The following SDE2 variants were observed in gnomAD, a reference collection of about 807,000 sequenced individuals.
SDE2 encodes spliceosome associated SDE2, also known as splicing regulator SDE2.
SDE2 carries 31 observed loss-of-function variants against 46.9 expected under a neutral mutation model. That is an observed-to-expected ratio of 0.66 (90% CI 0.50 to 0.89). The LOEUF (loss-of-function observed/expected upper bound fraction) is 0.89. SDE2 is among the 40% of genes least tolerant of loss of function. The probability of loss-of-function intolerance (pLI) is 0.00; values close to 1 mark genes in which losing one functional copy is unlikely to be tolerated. For missense variants in SDE2, 542 were observed against 564.4 expected (o/e 0.96, Z 0.40); for synonymous variants, 205 against 204.3 (o/e 1.00, Z -0.03).
chr1:225,987,324 A>C (rs539119666), intron 6 of SDE2, among the ~76,000 whole-genome samples: 301 of 152,292 alleles, frequency 2.0e-3, no homozygotes, highest in African/African-American at 6.8e-3. Flanking sequence ...AAGTGCTGGG[A>C]TTACAGGCGT....
At position 225,984,862 on chromosome 1, in the gene SDE2, C is replaced by A. The variant is rs142542568; in HGVS notation, c.*440G>T. On this transcript the variant is annotated 3_prime_UTR_variant, in exon 7 of 7. Transcript: ENST00000272091. ...ATCAGTAAAACTGATAAACCCCTAC[C>A]CAACCTGATTAGGAAAGTGAGAACA... 4.8e-4 allele frequency: 77 copies of A among 160,628 alleles called. No homozygotes were observed. The East Asian group carries it at 0.011, about 24-fold the overall frequency. 10.0% of individuals were successfully genotyped at this position (160,628 alleles called of 1,614,324 possible).
At chr1:225,990,068 C>A (rs147758365) in intron 5 of SDE2, among the ~76,000 whole-genome samples, 1 of 149,810 alleles carries the variant, frequency 6.7e-6, no homozygotes, top group African/African-American at 2.5e-5. Context: ...GAGTGAGGAA[C>A]CTGTCTCAAA....
In SDE2 at chr1:225,983,592, G is replaced by C. The variant is rs1656203235; in HGVS notation, c.*1710C>G. On this transcript the variant is annotated 3_prime_UTR_variant, in exon 7 of 7. Coordinates refer to ENST00000272091, the MANE Select transcript of SDE2 (RefSeq NM_152608.4). ...ACATGGTCTCACTATACATTGCCCA[G>C]GCTGGTCTCGAAATGATCCTCCCAC... 1 of 152,056 alleles carries C rather than the reference G, an allele frequency of 6.6e-6. No homozygotes were observed. Among genetic ancestry groups the C allele is most frequent in the Non-Finnish European group, 1.5e-5 (1 of 68,010 alleles). The allele number at this position is 152,056 out of a possible 1,614,324, so 9.4% of individuals were successfully genotyped here.
In SDE2 at chr1:225,993,006, A is replaced by G. The variant is rs2102704749; in HGVS notation, c.239-4T>C. On this transcript the variant is annotated splice_region_variant and splice_polypyrimidine_tract_variant and intron_variant, in intron 2 of 6. Transcript: ENST00000272091. ...GCTCGGAGCATAGATCCAAAACCTG[A>G]GCAGATGTATTTGGAGAAAGCAGGT... 1.3e-6 allele frequency: 2 copies of G among 1,541,446 alleles called. No homozygotes were observed. The highest frequency in any genetic ancestry group is 1.8e-6 in the Non-Finnish European group (2 of 1,115,670).
chr1:225,996,870 A>C (rs1203636330), intron 1 of SDE2, among the ~76,000 whole-genome samples: 1 of 152,232 alleles, frequency 6.6e-6, no homozygotes, highest in Non-Finnish European at 1.5e-5. Context: ...CTTTCCTTGG[A>C]AACTACAAAT....
In SDE2 at chr1:225,983,546, T is replaced by C. The variant is rs1046690738; in HGVS notation, c.*1756A>G. 6.6e-6 allele frequency: 1 copy of C among 152,164 alleles called. No individual in the cohort carries two copies. The highest frequency in any genetic ancestry group is 1.5e-5 in the Non-Finnish European group (1 of 68,032). 9.4% of individuals were successfully genotyped at this position (152,164 alleles called of 1,614,324 possible). Reference sequence around the variant, plus strand: ...AACATATTAACCCAACAATTCAAATTACATATTGTTTTTCTTAGAGACATG... The same window carrying C: ...AACATATTAACCCAACAATTCAAATCACATATTGTTTTTCTTAGAGACATG... On this transcript the variant is annotated 3_prime_UTR_variant, in exon 7 of 7. Transcript: ENST00000272091.
chr1:225,998,590 T>C (rs1015615799), intron 1 of SDE2, among the ~76,000 whole-genome samples: 1 of 152,206 alleles, frequency 6.6e-6, no homozygotes, highest in Non-Finnish European at 1.5e-5. Context: ...AAGTCCCTGG[T>C]AGGTTTTCAC....
chr1:225,982,904 G>A lies in SDE2; in HGVS notation c.*2398C>T, dbSNP rs896449548. 4.6e-5 allele frequency: 7 copies of A among 152,104 alleles called. No homozygotes were observed. The highest frequency in any genetic ancestry group is 1.7e-4 in the African/African-American group (7 of 41,442). The allele number at this position is 152,104 out of a possible 1,614,324, so 9.4% of individuals were successfully genotyped here. On this transcript the variant is annotated 3_prime_UTR_variant, in exon 7 of 7. Coordinates refer to ENST00000272091, the MANE Select transcript of SDE2 (RefSeq NM_152608.4). ...ACAAGATTTCTACATTTTATGTGAA[G>A]TGGCACATCAACTCTAGGTAGACTG...
intron 6 of SDE2, among the ~76,000 whole-genome samples, chr1:225,986,661 G>T (rs1195941725): frequency 6.6e-6 from 1 of 152,162 alleles, no homozygotes; most frequent in Non-Finnish European, 1.5e-5. Context: ...GGCTAACACT[G>T]AAAAATATCA....
At chr1:225,997,637 G>A (rs892587706) in intron 1 of SDE2, among the ~76,000 whole-genome samples, 1 of 151,898 alleles carries the variant, frequency 6.6e-6, no homozygotes, top group African/African-American at 2.4e-5. Flanking sequence ...TCACCATGTT[G>A]CCAAGCTGGT....
intron 1 of SDE2, among the ~76,000 whole-genome samples, chr1:225,997,571 A>G (rs1656556214): frequency 6.6e-6 from 1 of 152,088 alleles, no homozygotes; most frequent in Admixed American, 6.6e-5. Context: ...CTGGGATTAC[A>G]GGCGTCTGCC....
At chr1:225,989,024 C>T (rs768001910) in intron 5 of SDE2, among the ~76,000 whole-genome samples, 1 of 152,054 alleles carries the variant, frequency 6.6e-6, no homozygotes, top group East Asian at 1.9e-4. Flanking sequence ...GTTGGCCGGG[C>T]GTGGTGGCTC....
Position 225,983,258 on chromosome 1 carries a change from T to A in SDE2, c.*2044A>T, listed in dbSNP as rs931111338. On this transcript the variant is annotated 3_prime_UTR_variant, in exon 7 of 7. Coordinates refer to ENST00000272091, the MANE Select transcript of SDE2 (RefSeq NM_152608.4). ...GAAGGCTGCAGTGGCTATATTCACA[T>A]AAGATAAAGTAGATTTCAAACCCAA... is the stretch of plus-strand genomic sequence containing the variant. The A allele has an allele frequency of 3.3e-5, 5 of 152,158 alleles. No homozygotes were observed. The highest frequency in any genetic ancestry group is 2.0e-4 in the Admixed American group (3 of 15,274). 9.4% of individuals were successfully genotyped at this position (152,158 alleles called of 1,614,324 possible).
chr1:225,995,331 G>T lies in SDE2; in HGVS notation c.173C>A (p.Thr58Asn). ...FVKCNGALIN[T>N]SDTVQHGAVY... The stretch of plus-strand genomic sequence containing the variant: ...AGCTCCATGCTGCACTGTGTCACTG[G>T]TGTTAATGAGTGCTCCATTGCATTT... The change falls in exon 2 of 7, where the codon ACC (threonine) becomes AAC (asparagine). Residue 58 changes from threonine to asparagine, a missense_variant. By Grantham distance (65) the Thr-to-Asn change is moderately conservative. This residue lies in a region of SDE2 where 135 missense variants were observed against 106.5 expected (regional missense o/e 1.27). Coordinates refer to ENST00000272091, the MANE Select transcript of SDE2 (RefSeq NM_152608.4). 1.2e-6 allele frequency: 2 copies of T among 1,612,832 alleles called. No individual in the cohort carries two copies. Among genetic ancestry groups the T allele is most frequent in the Non-Finnish European group, 1.7e-6 (2 of 1,178,996 alleles).
At position 225,985,501 on chromosome 1, in the gene SDE2, T is replaced by C. The variant is rs184725920; in HGVS notation, c.1157A>G (p.Asp386Gly). The change falls in exon 7 of 7, where the codon GAT becomes GGT. Residue 386 changes from aspartate (D) to glycine (G), a missense_variant. By Grantham distance (94) the Asp-to-Gly change is moderately conservative. This residue lies in a region of SDE2 where 401 missense variants were observed against 437.8 expected (regional missense o/e 0.92). Transcript: ENST00000272091. ...TGCAACAGAGGTGAACGCCAATAAA[T>C]CTATAGTTTCCTTATCAATAACCTG... ...GNAVIDKETIDLLAFTSVAEL... is the reference protein window; with the variant it reads ...GNAVIDKETIGLLAFTSVAEL... The C allele has an allele frequency of 1.3e-4, 216 of 1,612,458 alleles. 1 individual carries two copies. Among genetic ancestry groups the C allele is most frequent in the Non-Finnish European group, 1.2e-5 (14 of 1,178,480 alleles).
chr1:225,984,424 A>C lies in SDE2; in HGVS notation c.*878T>G, dbSNP rs1656223785. The C allele has an allele frequency of 6.6e-6, 1 of 152,198 alleles. No individual in the cohort carries two copies. The highest frequency in any genetic ancestry group is 1.9e-4 in the East Asian group (1 of 5,206). The allele number at this position is 152,198 out of a possible 1,614,324, so 9.4% of individuals were successfully genotyped here. A position where few individuals can be genotyped will look rare whatever the true frequency, so the allele number is the denominator to read the frequency against. ...CTTAAGGAACTAAAGAAAAAAGATC[A>C]AAGGAGACTCAAGCTAAATAGAAGA... On this transcript the variant is annotated 3_prime_UTR_variant, in exon 7 of 7. Coordinates refer to ENST00000272091, the MANE Select transcript of SDE2 (RefSeq NM_152608.4).
At position 225,984,155 on chromosome 1, in the gene SDE2, G is replaced by A. The variant is rs1316176261; in HGVS notation, c.*1147C>T. ...CCAGCTACTGAGGAGGCTGAGGCAGGAGAATCGCTTGAACCCAGGAGGCAG... is the reference window on the plus strand; with the variant it reads ...CCAGCTACTGAGGAGGCTGAGGCAGAAGAATCGCTTGAACCCAGGAGGCAG... On this transcript the variant is annotated 3_prime_UTR_variant, in exon 7 of 7. Transcript: ENST00000272091. 6.6e-6 allele frequency: 1 copy of A among 152,154 alleles called. No individual in the cohort carries two copies. Among genetic ancestry groups the A allele is most frequent in the East Asian group, 1.9e-4 (1 of 5,182 alleles). 9.4% of individuals were successfully genotyped at this position (152,154 alleles called of 1,614,324 possible).
intron 5 of SDE2, among the ~76,000 whole-genome samples, chr1:225,990,517 T>C (rs187832958): frequency 1.2e-3 from 182 of 152,178 alleles, no homozygotes; most frequent in African/African-American, 4.3e-3. Flanking sequence ...GTAGAACCAA[T>C]CAACCAAAAA....
intron 1 of SDE2, among the ~76,000 whole-genome samples, chr1:225,998,394 G>A (rs1203480108): frequency 6.6e-6 from 1 of 152,226 alleles, no homozygotes; most frequent in Non-Finnish European, 1.5e-5. Flanking sequence ...ATAGTAAGCA[G>A]AGGAAATAGC....
Sources: gnomAD v4.1 joint callset for allele counts (sites outside exome capture counted in the v4.1 genomes callset) on GRCh38, gnomAD v4.1.1 for gene constraint, gnomAD v4.1.1 regional missense constraint, MANE v1.5 for transcripts, NCBI Gene and HGNC (gene_info 2026-07-23, HGNC 2026-07-21) for gene names.